Variants in PTPRD observed in about 807,000 individuals in gnomAD.
The protein encoded by PTPRD is receptor-type tyrosine-protein phosphatase delta.
A neutral mutation model predicts 214.5 loss-of-function variants in PTPRD; 34 were observed. That is an observed-to-expected ratio of 0.16 (90% confidence interval 0.12 to 0.21). PTPRD has a LOEUF of 0.21. PTPRD is among the 10% of genes least tolerant of loss of function. The pLI is 1.00. For missense variants in PTPRD, 2,545 were observed against 2,398.7 expected (o/e 1.06, Z -1.27); for synonymous variants, 1,128 against 845.7 (o/e 1.33, Z -5.79).
At chr9:10,124,406 G>A (rs982188033) in intron 3 of PTPRD, among the ~76,000 whole-genome samples, 4 of 152,138 alleles carry the variant, frequency 2.6e-5, no homozygotes, top group Non-Finnish European at 5.9e-5. Context: ...ATCTGTGGAA[G>A]AATATAATAC....
chr9:8,516,417 C>T (rs1389233453), intron 21 of PTPRD, among the ~76,000 whole-genome samples: 2 of 151,986 alleles, frequency 1.3e-5, no homozygotes, highest in Non-Finnish European at 2.9e-5. Flanking sequence ...CCAATAAGAA[C>T]CAAATAATGG....
chr9:10,123,211 G>A (rs2098790540), intron 3 of PTPRD, among the ~76,000 whole-genome samples: 2 of 152,216 alleles, frequency 1.3e-5, no homozygotes, highest in African/African-American at 4.8e-5. Context: ...AAGCTACATA[G>A]GTGCTCCTTC....
At chr9:9,193,935 A>G (rs2099936749) in intron 9 of PTPRD, among the ~76,000 whole-genome samples, 2 of 152,114 alleles carry the variant, frequency 1.3e-5, no homozygotes, top group Admixed American at 6.6e-5. Flanking sequence ...ACTTTTTAAA[A>G]ATTTTTTGGC....
chr9:10,177,877 C>T (rs1357975989), intron 3 of PTPRD, among the ~76,000 whole-genome samples: 1 of 151,828 alleles, frequency 6.6e-6, no homozygotes, highest in Non-Finnish European at 1.5e-5. Flanking sequence ...TATCCACTTC[C>T]TTTTATAATT....
intron 3 of PTPRD, among the ~76,000 whole-genome samples, chr9:10,335,313 A>T (rs1211535517): frequency 6.6e-6 from 1 of 151,770 alleles, no homozygotes; most frequent in East Asian, 1.9e-4. Context: ...TTTCACAAAG[A>T]AACAATTGCA....
At chr9:9,067,397 G>C (rs1466723856) in intron 10 of PTPRD, among the ~76,000 whole-genome samples, 3 of 152,146 alleles carry the variant, frequency 2.0e-5, no homozygotes. Flanking sequence ...CTAAGTCATT[G>C]ACTTTTTTTG....
At chr9:10,095,405 C>G (rs963440904) in intron 3 of PTPRD, among the ~76,000 whole-genome samples, 1 of 151,530 alleles carries the variant, frequency 6.6e-6, no homozygotes, top group East Asian at 2.0e-4. Context: ...GCATTATCCA[C>G]AACATACCTG....
intron 14 of PTPRD, among the ~76,000 whole-genome samples, chr9:8,593,788 T>A (rs979959187): frequency 6.6e-6 from 1 of 152,192 alleles, no homozygotes; most frequent in Non-Finnish European, 1.5e-5. Flanking sequence ...ATGATGATCA[T>A]AGCACCCTTG....
intron 36 of PTPRD, among the ~76,000 whole-genome samples, chr9:8,402,491 T>G (rs939562121): frequency 2.0e-5 from 3 of 152,170 alleles, no homozygotes; most frequent in Non-Finnish European, 4.4e-5. Flanking sequence ...GTGGAAACAA[T>G]GCTACAATAG....
At chr9:9,117,888 A>AAAATG (rs531557793) in intron 10 of PTPRD, among the ~76,000 whole-genome samples, 2,965 of 152,300 alleles carry the variant, frequency 0.019, 53 homozygotes, top group Non-Finnish European at 0.027. Context: ...TTTAAAAAAA[A>AAAATG]AAATGAAGGG....
At chr9:8,853,150 T>C (rs144169906) in intron 11 of PTPRD, among the ~76,000 whole-genome samples, 25 of 152,286 alleles carry the variant, frequency 1.6e-4, no homozygotes, top group Non-Finnish European at 3.4e-4. Context: ...TTGAACTATG[T>C]TTCGTAAGAA....
chr9:9,043,309 G>A (rs73430157), intron 10 of PTPRD, among the ~76,000 whole-genome samples: 5,770 of 152,206 alleles, frequency 0.038, 139 homozygotes, highest in African/African-American at 0.076. Flanking sequence ...AATACCTGAT[G>A]CTACATCAAC....
At chr9:9,425,023 C>A (rs893355764) in intron 8 of PTPRD, among the ~76,000 whole-genome samples, 9 of 152,126 alleles carry the variant, frequency 5.9e-5, no homozygotes, top group African/African-American at 2.2e-4. Context: ...TATATCAGTT[C>A]TTAGTTTAAG....
chr9:9,482,029 T>C (rs1162752888), intron 8 of PTPRD, among the ~76,000 whole-genome samples: 2 of 152,134 alleles, frequency 1.3e-5, no homozygotes, highest in Non-Finnish European at 2.9e-5. Context: ...TAACAGTCTC[T>C]GGGGAGCTAC....
intron 2 of PTPRD, among the ~76,000 whole-genome samples, chr9:10,563,588 T>G (rs971420313): frequency 6.6e-5 from 10 of 152,202 alleles, no homozygotes; most frequent in Admixed American, 3.9e-4. Flanking sequence ...TATTTCAATG[T>G]AGAAATTCAA....
At chr9:9,989,015 C>G (rs1228493038) in intron 4 of PTPRD, among the ~76,000 whole-genome samples, 1 of 11,268 alleles carries the variant, frequency 8.9e-5, no homozygotes, top group African/African-American at 3.2e-4. Context: ...GTTTCACTGA[C>G]CAAAAAAAAA....
chr9:8,376,474 G>T (rs1343249577), intron 38 of PTPRD, 133 bp downstream of exon 38: 28 of 1,296,058 alleles, frequency 2.2e-5, no homozygotes, highest in Non-Finnish European at 2.7e-5. Context: ...GATAATGGAA[G>T]ATCTATTTCA....
At chr9:9,377,754 C>T (rs1231763938) in intron 9 of PTPRD, among the ~76,000 whole-genome samples, 2 of 151,914 alleles carry the variant, frequency 1.3e-5, no homozygotes, top group African/African-American at 4.8e-5. Flanking sequence ...GTGGTGGGGG[C>T]TCAGGGGGTG....
chr9:9,812,381 C>T (rs571894153), intron 5 of PTPRD, among the ~76,000 whole-genome samples: 1 of 151,272 alleles, frequency 6.6e-6, no homozygotes, highest in Admixed American at 6.6e-5. Flanking sequence ...TACAAAGTGA[C>T]TTAGTGGATT....
Sources: allele counts gnomAD v4.1 joint callset (sites outside exome capture counted in the v4.1 genomes callset), GRCh38; gene constraint gnomAD v4.1.1; transcripts MANE v1.5; gene names NCBI Gene and HGNC (gene_info 2026-07-23, HGNC 2026-07-21).